Variants in SCPPPQ1 observed in about 807,000 individuals in gnomAD.
The protein encoded by SCPPPQ1 is secretory calcium-binding phosphoprotein proline- and glutamine-rich 1.
the SCPPPQ1 span, among the ~76,000 whole-genome samples, chr4:87,463,945 A>G: frequency 6.6e-6 from 1 of 152,220 alleles, no homozygotes; most frequent in African/African-American, 2.4e-5. Flanking sequence ...AACTCCGTCT[A>G]AAAGGTGAAT....
At chr4:87,462,935 G>T in the SCPPPQ1 span, among the ~76,000 whole-genome samples, 1 of 149,324 alleles carries the variant, frequency 6.7e-6, no homozygotes, top group South Asian at 2.1e-4. Flanking sequence ...GGGGGCAGAG[G>T]TTGCAGTGAG....
chr4:87,466,783 A>T, the SCPPPQ1 span, among the ~76,000 whole-genome samples: 2 of 152,186 alleles, frequency 1.3e-5, no homozygotes, highest in African/African-American at 2.4e-5. Flanking sequence ...GCTACTGGGG[A>T]GCCTGTGGGA....
the SCPPPQ1 span, among the ~76,000 whole-genome samples, chr4:87,463,549 C>A: frequency 1.3e-5 from 2 of 152,122 alleles, no homozygotes; most frequent in South Asian, 2.1e-4. Context: ...ATACAAAAAT[C>A]TATTTTATTG....
chr4:87,465,568 A>C, the SCPPPQ1 span, among the ~76,000 whole-genome samples: 1 of 70,178 alleles, frequency 1.4e-5, no homozygotes, highest in African/African-American at 4.1e-5. Context: ...ACAAAAAAAA[A>C]AAAAAAAAAA....
chr4:87,463,496 A>G, the SCPPPQ1 span, among the ~76,000 whole-genome samples: 1 of 152,202 alleles, frequency 6.6e-6, no homozygotes, highest in South Asian at 2.1e-4. Context: ...TAATTTTTAA[A>G]CCTACATTTA....
At chr4:87,462,672 A>G in the SCPPPQ1 span, among the ~76,000 whole-genome samples, 1 of 152,086 alleles carries the variant, frequency 6.6e-6, no homozygotes, top group African/African-American at 2.4e-5. Context: ...GGCTTTTCTC[A>G]TTATTTACTA....
At chr4:87,468,612 TA>T in the SCPPPQ1 span, among the ~76,000 whole-genome samples, 1 of 152,210 alleles carries the variant, frequency 6.6e-6, no homozygotes, top group Non-Finnish European at 1.5e-5. Flanking sequence ...CAGTATTTCA[TA>T]TATTCTTAGA....
chr4:87,468,253 A>G, the SCPPPQ1 span, among the ~76,000 whole-genome samples: 1 of 152,240 alleles, frequency 6.6e-6, no homozygotes, highest in Non-Finnish European at 1.5e-5. Context: ...TATCCAAAGA[A>G]TGCTTTTATT....
the SCPPPQ1 span, chr4:87,462,417 G>A: frequency 1.3e-3 from 195 of 152,170 alleles, no homozygotes; most frequent in African/African-American, 4.3e-3. Flanking sequence ...GCAAGATCCT[G>A]TTTCTTAAAA....
At chr4:87,467,692 A>G in the SCPPPQ1 span, among the ~76,000 whole-genome samples, 1 of 152,188 alleles carries the variant, frequency 6.6e-6, no homozygotes, top group Non-Finnish European at 1.5e-5. Flanking sequence ...TGAATAGCTG[A>G]TTCCTGGGGA....
chr4:87,461,253 C>T, the SCPPPQ1 span, among the ~76,000 whole-genome samples: 19 of 152,234 alleles, frequency 1.2e-4, no homozygotes, highest in South Asian at 2.1e-4. Context: ...AAAGGTTGCC[C>T]GCAGTTTTAT....
At chr4:87,466,215 C>T in the SCPPPQ1 span, among the ~76,000 whole-genome samples, 1 of 151,868 alleles carries the variant, frequency 6.6e-6, no homozygotes, top group Non-Finnish European at 1.5e-5. Flanking sequence ...CATGGTGAAA[C>T]CCATCTCTAC....
At chr4:87,464,879 G>C in the SCPPPQ1 span, among the ~76,000 whole-genome samples, 1 of 152,118 alleles carries the variant, frequency 6.6e-6, no homozygotes, top group East Asian at 1.9e-4. Flanking sequence ...ATTACTTGGA[G>C]TTAATATGCT....
chr4:87,468,766 A>C, the SCPPPQ1 span, among the ~76,000 whole-genome samples: 2 of 152,256 alleles, frequency 1.3e-5, no homozygotes, highest in Non-Finnish European at 2.9e-5. Flanking sequence ...AAAAGTACAT[A>C]TTAGAATTAA....
the SCPPPQ1 span, among the ~76,000 whole-genome samples, chr4:87,462,496 TCTTTC>T: frequency 1.3e-5 from 2 of 152,112 alleles, no homozygotes; most frequent in Non-Finnish European, 2.9e-5. Context: ...TTTCTTTCTT[TCTTTC>T]TTTTTTTTGG....
At chr4:87,463,452 G>A in the SCPPPQ1 span, among the ~76,000 whole-genome samples, 2 of 152,090 alleles carry the variant, frequency 1.3e-5, no homozygotes, top group Non-Finnish European at 2.9e-5. Context: ...AACTGTGAAG[G>A]AAGAAAAATT....
chr4:87,469,366 C>T, the SCPPPQ1 span, among the ~76,000 whole-genome samples: 5 of 152,024 alleles, frequency 3.3e-5, no homozygotes, highest in Admixed American at 6.6e-5. Flanking sequence ...ACAAGGAAAC[C>T]ATGGGTTAGT....
the SCPPPQ1 span, among the ~76,000 whole-genome samples, chr4:87,464,837 AAAC>A: frequency 4.6e-5 from 7 of 152,238 alleles, no homozygotes; most frequent in African/African-American, 7.2e-5. Context: ...CAGTCTCAAA[AAAC>A]AACAACAGAA....
the SCPPPQ1 span, among the ~76,000 whole-genome samples, chr4:87,468,383 A>T: frequency 1.3e-5 from 2 of 152,210 alleles, no homozygotes; most frequent in Non-Finnish European, 2.9e-5. Context: ...GTGGAAATGT[A>T]CACTTAAGTT....
Sources: allele counts gnomAD v4.1 joint callset (sites outside exome capture counted in the v4.1 genomes callset), GRCh38; gene constraint gnomAD v4.1.1; transcripts MANE v1.5; gene names NCBI Gene and HGNC (gene_info 2026-07-23, HGNC 2026-07-21).